The following GFM2 variants were observed in gnomAD, a reference collection of about 807,000 sequenced individuals.
GFM2 encodes ribosome-releasing factor 2, mitochondrial.
Under a neutral mutation model 95.4 loss-of-function variants are expected in GFM2, and 72 were observed. That is an observed-to-expected ratio of 0.76 (90% CI 0.62 to 0.92). GFM2 has a LOEUF of 0.92. Ranked by LOEUF, GFM2 falls within the 40% of genes least tolerant of loss-of-function variation. GFM2 has a pLI of 0.00. For missense variants in GFM2, 825 were observed against 924.1 expected (o/e 0.89, Z 1.39); for synonymous variants, 276 against 317.5 (o/e 0.87, Z 1.39).
Position 74,738,584 on chromosome 5 carries a change from G to A in GFM2, c.1138C>T (p.Arg380Ter), listed in dbSNP as rs771592465. 1.2e-6 allele frequency: 2 copies of A among 1,613,572 alleles called. No individual in the cohort carries two copies. The highest frequency in any genetic ancestry group is 2.2e-5 in the East Asian group (1 of 44,856). ...ATGCGCATAAAAACCAGTGGTCCTC[G>A]CTGCTTGTCATGGAGAACTTTAAAT... Reference protein sequence around the residue: ...LAFKVLHDKQRGPLVFMRIYS... With the variant: ...LAFKVLHDKQ Residue 380 changes from arginine to a stop codon, truncating the protein, a stop_gained, in exon 13 of 21, where the codon CGA (arginine) becomes TGA (stop). Transcript: ENST00000296805. LOFTEE classifies it high-confidence loss of function.
intron 5 of GFM2, among the ~76,000 whole-genome samples, chr5:74,756,748 C>T (rs1431600042): frequency 6.6e-6 from 1 of 151,948 alleles, no homozygotes; most frequent in African/African-American, 2.4e-5. Context: ...TTCGCAGCAA[C>T]CTGGATGGAA....
chr5:74,732,941 C>T, intron 16 of GFM2, 81 bp downstream of exon 16: 1 of 630,576 alleles, frequency 1.6e-6, no homozygotes, highest in Admixed American at 2.1e-5. Context: ...CACACACACA[C>T]ACACACACAC....
At chr5:74,765,505 T>C (rs779362547) in intron 1 of GFM2, among the ~76,000 whole-genome samples, 51 of 152,070 alleles carry the variant, frequency 3.4e-4, no homozygotes, top group Non-Finnish European at 4.7e-4. Context: ...AAGGAAGGCC[T>C]CATTCAAACA....
At chr5:74,757,911 TAGA>T (rs1305964667) in intron 5 of GFM2, among the ~76,000 whole-genome samples, 18 of 152,016 alleles carry the variant, frequency 1.2e-4, no homozygotes, top group African/African-American at 4.3e-4. Flanking sequence ...GAAGAAAAAG[TAGA>T]AGGATGGTTG....
At chr5:74,742,463 G>T (rs1291103749) in intron 10 of GFM2, among the ~76,000 whole-genome samples, 2 of 152,086 alleles carry the variant, frequency 1.3e-5, no homozygotes, top group African/African-American at 2.4e-5. Context: ...GATGATAGTA[G>T]TATCTACTTC....
chr5:74,751,672 T>C (rs1248858075), intron 5 of GFM2, among the ~76,000 whole-genome samples, 179 bp from the exon 6 acceptor site: 5 of 152,222 alleles, frequency 3.3e-5, no homozygotes, highest in Non-Finnish European at 7.3e-5. Flanking sequence ...GTTTTTCAGC[T>C]AGATTAGTAA....
chr5:74,733,280 C>T, intron 15 of GFM2, 182 bp from the exon 16 acceptor site: 1 of 490,416 alleles, frequency 2.0e-6, no homozygotes, highest in Non-Finnish European at 3.6e-6. Context: ...CGCTTGAGCC[C>T]AGGAGTTTGC....
intron 4 of GFM2, among the ~76,000 whole-genome samples, chr5:74,759,165 A>T (rs1324760820): frequency 1.3e-5 from 2 of 152,188 alleles, no homozygotes; most frequent in African/African-American, 4.8e-5. Context: ...TCTTATATTC[A>T]TTCTAGAAAA....
At chr5:74,763,545 G>T in intron 2 of GFM2, 135 bp downstream of exon 2, 2 of 490,964 alleles carry the variant, frequency 4.1e-6, no homozygotes, top group Non-Finnish European at 7.4e-6. Flanking sequence ...TTTCAAATTA[G>T]TTTAGCTTGA....
At chr5:74,736,091 T>C (rs1175798524) in intron 15 of GFM2, among the ~76,000 whole-genome samples, 1 of 152,196 alleles carries the variant, frequency 6.6e-6, no homozygotes, top group African/African-American at 2.4e-5. Context: ...GATTAGAGCC[T>C]GGATCCCTGA....
intron 10 of GFM2, among the ~76,000 whole-genome samples, chr5:74,742,716 G>A (rs2112281381): frequency 6.6e-6 from 1 of 151,844 alleles, no homozygotes; most frequent in African/African-American, 2.4e-5. Flanking sequence ...ACCTAGGCTG[G>A]AGTGCAATGG....
At chr5:74,740,215 T>A in intron 11 of GFM2, 78 bp from the exon 12 acceptor site, 1 of 1,252,286 alleles carries the variant, frequency 8.0e-7, no homozygotes, top group Non-Finnish European at 1.1e-6. Flanking sequence ...AGGTTTTCTC[T>A]AACCAGCCAT....
chr5:74,722,311 C>G (rs1749933931), intron 20 of GFM2, 68 bp downstream of exon 20: 2 of 1,195,244 alleles, frequency 1.7e-6, no homozygotes, highest in African/African-American at 1.5e-5. Flanking sequence ...TACTGATTGT[C>G]TATTCATTGG....
intron 4 of GFM2, 65 bp downstream of exon 4, chr5:74,759,304 T>C: frequency 1.1e-6 from 1 of 912,024 alleles, no homozygotes; most frequent in East Asian, 2.4e-5. Flanking sequence ...CTCTTGTCCA[T>C]CAGAAAAAAC....
intron 12 of GFM2, 101 bp downstream of exon 12, chr5:74,739,888 C>G (rs964347314): frequency 1.2e-6 from 1 of 822,416 alleles, no homozygotes; most frequent in African/African-American, 1.8e-5. Context: ...ACACTCACCA[C>G]TATTATTCAA....
rs750328950 is a variant in GFM2, at chr5:74,721,675, G to A, written c.2320C>T (p.Arg774Trp). 27 of 1,612,920 alleles carry A rather than the reference G, an allele frequency of 1.7e-5. No individual in the cohort carries two copies. Among genetic ancestry groups the A allele is most frequent in the East Asian group, 6.7e-5 (3 of 44,870 alleles). ...AACATTTAGGTCAAACCACTTCTCCGGTTGAGCAGTGTATTTTGATCTTGA... is the reference window on the plus strand; with the variant it reads ...AACATTTAGGTCAAACCACTTCTCCAGTTGAGCAGTGTATTTTGATCTTGA... ...NPQDQNTLLN[R>W]RSGLT Residue 774 changes from arginine (R) to tryptophan (W), a missense_variant, in exon 21 of 21, where the codon CGG becomes TGG. Physicochemically the swap from Arg to Trp is moderately radical, Grantham distance 101 (BLOSUM62 -3). Coordinates refer to ENST00000296805, the MANE Select transcript of GFM2 (RefSeq NM_032380.5).
chr5:74,740,497 T>C (rs968961227), intron 11 of GFM2, among the ~76,000 whole-genome samples: 2 of 152,180 alleles, frequency 1.3e-5, no homozygotes, highest in African/African-American at 4.8e-5. Context: ...AAATAAAATA[T>C]GTAAATCTGA....
chr5:74,745,515 A>C (rs180789455), intron 10 of GFM2, among the ~76,000 whole-genome samples, 163 bp downstream of exon 10: 1 of 152,342 alleles, frequency 6.6e-6, no homozygotes, highest in East Asian at 1.9e-4. Context: ...AATAGGTTAT[A>C]TGCAAATACT....
Position 74,722,360 on chromosome 5 carries a change from T to G in GFM2, c.2211+19A>C. ...CTGAATTAAGAAGAATATGTACTTT[T>G]CAGTTACAAAGTACCTACCATAATT... On this transcript the variant is annotated intron_variant, in intron 20 of 20. Coordinates refer to ENST00000296805, the MANE Select transcript of GFM2 (RefSeq NM_032380.5). The G allele has an allele frequency of 1.3e-6, 2 of 1,590,752 alleles. No individual in the cohort carries two copies. The highest frequency in any genetic ancestry group is 1.7e-5 in the Admixed American group (1 of 59,702).
Sources: gnomAD v4.1 joint callset for allele counts (sites outside exome capture counted in the v4.1 genomes callset) on GRCh38, gnomAD v4.1.1 for gene constraint, MANE v1.5 for transcripts, NCBI Gene and HGNC (gene_info 2026-07-23, HGNC 2026-07-21) for gene names.